The following ANKS1B variants were observed in gnomAD, a reference collection of about 807,000 sequenced individuals.
ANKS1B encodes the protein ankyrin repeat and sterile alpha motif domain-containing protein 1B.
A neutral mutation model predicts 148.3 loss-of-function variants in ANKS1B; 36 were observed. That is an observed-to-expected ratio of 0.24 (90% CI 0.19 to 0.32). The LOEUF (loss-of-function observed/expected upper bound fraction) is 0.32, where lower values mean the gene tolerates loss of function less well. ANKS1B is among the 10% of genes least tolerant of loss of function. ANKS1B has a pLI of 1.00. For synonymous variants in ANKS1B, 542 were observed against 560.8 expected, an observed-to-expected ratio of 0.97 and a Z score of 0.47; for missense variants, 1,157 against 1,542.6, an observed-to-expected ratio of 0.75 and a Z score of 4.19.
At chr12:99,321,032 C>A (rs959942393) in intron 12 of ANKS1B, among the ~76,000 whole-genome samples, 7 of 152,160 alleles carry the variant, frequency 4.6e-5, no homozygotes, top group African/African-American at 1.4e-4. Context: ...TATTGCAGAA[C>A]GGCACATGTT....
At chr12:99,566,559 T>C (rs955096758) in intron 9 of ANKS1B, among the ~76,000 whole-genome samples, 5 of 152,276 alleles carry the variant, frequency 3.3e-5, no homozygotes, top group African/African-American at 1.2e-4. Context: ...CTTAAATTCA[T>C]GTGTTGATTA....
intron 17 of ANKS1B, among the ~76,000 whole-genome samples, chr12:98,959,893 CTGTT>C (rs1338199004): frequency 2.0e-5 from 3 of 152,150 alleles, no homozygotes; most frequent in Non-Finnish European, 4.4e-5. Context: ...AGAGACTCCT[CTGTT>C]TGTGGAAAGG....
At chr12:99,569,532 AAC>A (rs1408974716) in intron 9 of ANKS1B, among the ~76,000 whole-genome samples, 1 of 152,240 alleles carries the variant, frequency 6.6e-6, no homozygotes, top group African/African-American at 2.4e-5. Flanking sequence ...AAAATGTAGG[AAC>A]AGACTTTCCT....
chr12:98,975,022 CT>C (rs2099891007), intron 17 of ANKS1B, among the ~76,000 whole-genome samples: 1 of 129,456 alleles, frequency 7.7e-6, no homozygotes, highest in Non-Finnish European at 1.7e-5. Flanking sequence ...CCTCCCTCCC[CT>C]CCCTTCCTTC....
chr12:99,772,432 G>C (rs1352731657), intron 8 of ANKS1B, among the ~76,000 whole-genome samples: 1 of 152,080 alleles, frequency 6.6e-6, no homozygotes, highest in East Asian at 1.9e-4. Context: ...TTATCAAAGA[G>C]AAACCTCTTG....
At chr12:99,763,618 A>C (rs1423819739) in intron 8 of ANKS1B, among the ~76,000 whole-genome samples, 1 of 152,090 alleles carries the variant, frequency 6.6e-6, no homozygotes, top group East Asian at 1.9e-4. Flanking sequence ...CAGTTTACCC[A>C]TGTAACAAAC....
At chr12:99,145,895 A>G (rs1471466036) in intron 15 of ANKS1B, among the ~76,000 whole-genome samples, 1 of 152,076 alleles carries the variant, frequency 6.6e-6, no homozygotes, top group African/African-American at 2.4e-5. Flanking sequence ...AATTGTGAGT[A>G]TACTAATATT....
chr12:98,865,841 C>T (rs756630681), intron 17 of ANKS1B, among the ~76,000 whole-genome samples: 1 of 152,004 alleles, frequency 6.6e-6, no homozygotes, highest in Non-Finnish European at 1.5e-5. Context: ...TAACAAAATG[C>T]CATTGGCTGG....
intron 11 of ANKS1B, among the ~76,000 whole-genome samples, chr12:99,407,949 AT>A (rs1199865680): frequency 6.8e-6 from 1 of 146,244 alleles, no homozygotes; most frequent in East Asian, 1.9e-4. Context: ...ATTCAATGCA[AT>A]CATTAACAAA....
At chr12:99,199,445 A>T (rs1372364959) in intron 14 of ANKS1B, among the ~76,000 whole-genome samples, 1 of 152,172 alleles carries the variant, frequency 6.6e-6, no homozygotes, top group African/African-American at 2.4e-5. Context: ...CTTAGAAGGA[A>T]GATAACTTCA....
intron 24 of ANKS1B, among the ~76,000 whole-genome samples, chr12:98,774,731 C>A (rs1233101736): frequency 2.0e-5 from 3 of 152,144 alleles, no homozygotes; most frequent in Admixed American, 6.5e-5. Context: ...TGCCAGCACC[C>A]CCAGCAAGTA....
intron 9 of ANKS1B, among the ~76,000 whole-genome samples, chr12:99,577,787 T>C (rs2048137113): frequency 6.6e-6 from 1 of 152,072 alleles, no homozygotes; most frequent in South Asian, 2.1e-4. Flanking sequence ...ACCGCTGAAT[T>C]CTACTGCATG....
chr12:99,683,275 A>C (rs1200072230), intron 8 of ANKS1B, among the ~76,000 whole-genome samples: 1 of 152,204 alleles, frequency 6.6e-6, no homozygotes, highest in Non-Finnish European at 1.5e-5. Context: ...AAATAAGCTC[A>C]ATTAGAAATG....
intron 1 of ANKS1B, among the ~76,000 whole-genome samples, chr12:99,971,406 C>T (rs1157868120): frequency 6.6e-6 from 1 of 152,198 alleles, no homozygotes; most frequent in African/African-American, 2.4e-5. Flanking sequence ...CACTCCCACT[C>T]ACTGCCATCT....
At chr12:99,846,823 G>T (rs2086742760) in intron 1 of ANKS1B, among the ~76,000 whole-genome samples, 1 of 152,042 alleles carries the variant, frequency 6.6e-6, no homozygotes. Flanking sequence ...TCTTTTGAGA[G>T]ATATGAAAAA....
At chr12:99,905,665 A>G (rs925427655) in intron 1 of ANKS1B, among the ~76,000 whole-genome samples, 1 of 152,206 alleles carries the variant, frequency 6.6e-6, no homozygotes, top group African/African-American at 2.4e-5. Flanking sequence ...TCGAGTGGTT[A>G]GTTCTTGCTG....
intron 9 of ANKS1B, among the ~76,000 whole-genome samples, chr12:99,550,757 T>G (rs1269347267): frequency 2.0e-5 from 3 of 151,816 alleles, no homozygotes; most frequent in Non-Finnish European, 4.4e-5. Context: ...CTACCCACAA[T>G]CACTAACTAA....
At chr12:99,069,483 A>G (rs1401789329) in intron 16 of ANKS1B, among the ~76,000 whole-genome samples, 1 of 152,220 alleles carries the variant, frequency 6.6e-6, no homozygotes, top group Non-Finnish European at 1.5e-5. Flanking sequence ...AGTAGCTTCC[A>G]AGTAAAGAAG....
intron 1 of ANKS1B, among the ~76,000 whole-genome samples, chr12:99,922,378 A>G (rs1209484512): frequency 6.6e-6 from 1 of 152,146 alleles, no homozygotes; most frequent in Non-Finnish European, 1.5e-5. Context: ...GCAAGACTCA[A>G]TAAATATGGT....
Sources: gnomAD v4.1 joint callset for allele counts (sites outside exome capture counted in the v4.1 genomes callset) on GRCh38, gnomAD v4.1.1 for gene constraint, MANE v1.5 for transcripts, NCBI Gene and HGNC (gene_info 2026-07-23, HGNC 2026-07-21) for gene names.